PLBD1: variants seen among roughly 807,000 people sequenced by gnomAD.
PLBD1 encodes the protein phospholipase B domain containing 1, also known as lysosomal leucine aminopeptidase.
PLBD1 carries 60 observed loss-of-function variants against 63.0 expected under a neutral mutation model. The observed-to-expected ratio is 0.95, with a 90% CI of 0.77 to 1.18. The LOEUF (loss-of-function observed/expected upper bound fraction) is 1.18. Ranked by LOEUF, PLBD1 falls within the 50% of genes most tolerant of loss-of-function variation. The pLI is 0.00. For missense variants in PLBD1, 598 were observed against 677.9 expected (o/e 0.88, Z 1.31); for synonymous variants, 262 against 248.0 (o/e 1.06, Z -0.53).
intron 1 of PLBD1, among the ~76,000 whole-genome samples, chr12:14,561,463 T>C (rs1325028298): frequency 2.0e-5 from 3 of 152,120 alleles, no homozygotes; most frequent in African/African-American, 7.2e-5. Flanking sequence ...TACAAGCTCC[T>C]TGCAGATGAG....
At chr12:14,511,179 T>A in intron 8 of PLBD1, 81 bp downstream of exon 8, 1 of 1,292,170 alleles carries the variant, frequency 7.7e-7, no homozygotes. Flanking sequence ...CACCACACAT[T>A]CACACAATGT....
intron 6 of PLBD1, among the ~76,000 whole-genome samples, chr12:14,513,329 A>G (rs542743582): frequency 1.6e-4 from 25 of 152,286 alleles, no homozygotes; most frequent in African/African-American, 5.3e-4. Context: ...AACTTAACTT[A>G]CCCTTGTCAT....
chr12:14,564,410 A>G (rs1348280396), intron 1 of PLBD1, among the ~76,000 whole-genome samples: 1 of 152,210 alleles, frequency 6.6e-6, no homozygotes. Context: ...TCCCAAAATC[A>G]GGGACCAGCA....
intron 6 of PLBD1, among the ~76,000 whole-genome samples, chr12:14,518,662 C>T (rs1241526865): frequency 6.6e-6 from 1 of 152,202 alleles, no homozygotes; most frequent in East Asian, 1.9e-4. Flanking sequence ...TATCTCCTTA[C>T]TGTTTTCCCT....
chr12:14,547,479 T>C (rs1236924557), intron 2 of PLBD1, among the ~76,000 whole-genome samples: 1 of 152,170 alleles, frequency 6.6e-6, no homozygotes, highest in Non-Finnish European at 1.5e-5. Flanking sequence ...ACTCCACTAC[T>C]TCTAAGCTAT....
intron 1 of PLBD1, among the ~76,000 whole-genome samples, chr12:14,560,611 T>C (rs963179169): frequency 6.6e-6 from 1 of 152,218 alleles, no homozygotes; most frequent in East Asian, 1.9e-4. Context: ...TGATACCTGG[T>C]TTTTGGATTT....
intron 1 of PLBD1, among the ~76,000 whole-genome samples, chr12:14,556,311 T>C (rs1185795908): frequency 2.0e-5 from 3 of 152,148 alleles, no homozygotes; most frequent in Non-Finnish European, 2.9e-5. Context: ...GCTAGAAAGT[T>C]TTCAGATTAA....
chr12:14,562,943 C>T (rs902770745), intron 1 of PLBD1, among the ~76,000 whole-genome samples: 2 of 152,118 alleles, frequency 1.3e-5, no homozygotes, highest in Admixed American at 1.3e-4. Flanking sequence ...CATGTCAACA[C>T]TCAAGACAAA....
intron 6 of PLBD1, among the ~76,000 whole-genome samples, chr12:14,512,833 T>C (rs1397831544): frequency 6.6e-6 from 1 of 152,188 alleles, no homozygotes; most frequent in Non-Finnish European, 1.5e-5. Flanking sequence ...GGGAGCTAGC[T>C]AGCCCCTTCC....
intron 6 of PLBD1, 105 bp from the exon 7 acceptor site, chr12:14,511,816 T>C: frequency 8.9e-7 from 1 of 1,121,942 alleles, no homozygotes; most frequent in Non-Finnish European, 1.3e-6. Flanking sequence ...GCAAAGTGTA[T>C]CAGTTATTAC....
intron 6 of PLBD1, among the ~76,000 whole-genome samples, chr12:14,534,025 G>C (rs1267607997): frequency 6.6e-6 from 1 of 152,126 alleles, no homozygotes; most frequent in African/African-American, 2.4e-5. Context: ...ATGTGTGCCT[G>C]TAGTGTCAAC....
intron 3 of PLBD1, among the ~76,000 whole-genome samples, chr12:14,541,672 AC>A (rs2136924707): frequency 1.3e-5 from 2 of 152,306 alleles, no homozygotes; most frequent in African/African-American, 4.8e-5. Context: ...TGGAGGGCCA[AC>A]CCAAGAGCCT....
intron 1 of PLBD1, among the ~76,000 whole-genome samples, chr12:14,559,494 G>A (rs997680274): frequency 6.6e-6 from 1 of 152,240 alleles, no homozygotes; most frequent in Non-Finnish European, 1.5e-5. Flanking sequence ...ACAGAAGTTA[G>A]TATGAAATAA....
At chr12:14,520,420 CAT>C (rs1565572713) in intron 6 of PLBD1, among the ~76,000 whole-genome samples, 5 of 152,152 alleles carry the variant, frequency 3.3e-5, no homozygotes, top group Admixed American at 2.6e-4. Context: ...GTGCAGGTGA[CAT>C]ATGTTGAAGT....
Position 14,567,706 on chromosome 12 carries a change from G to A in PLBD1, c.-10C>T, listed in dbSNP as rs1945806382. On this transcript the variant is annotated 5_prime_UTR_variant, in exon 1 of 11. Coordinates refer to ENST00000240617, the MANE Select transcript of PLBD1 (RefSeq NM_024829.6). Reference sequence around the variant, plus strand: ...GACCGCCGCGGGTCATCGCTCCACGGCCGCGACCTTCCTCTGCGGGATCAG... The same window carrying A: ...GACCGCCGCGGGTCATCGCTCCACGACCGCGACCTTCCTCTGCGGGATCAG... 7.0e-7 allele frequency: 1 copy of A among 1,425,782 alleles called. No individual in the cohort carries two copies. Among genetic ancestry groups the A allele is most frequent in the East Asian group, 2.9e-5 (1 of 34,638 alleles). The allele number at this position is 1,425,782 out of a possible 1,614,324, so 88.3% of individuals were successfully genotyped here.
At chr12:14,530,651 G>C (rs1281587996) in intron 6 of PLBD1, among the ~76,000 whole-genome samples, 7 of 152,196 alleles carry the variant, frequency 4.6e-5, no homozygotes, top group Non-Finnish European at 4.4e-5. Context: ...TAGATTGGAA[G>C]ACTCAATGTT....
chr12:14,561,458 G>A (rs1945741670), intron 1 of PLBD1, among the ~76,000 whole-genome samples: 1 of 152,010 alleles, frequency 6.6e-6, no homozygotes. Context: ...TTGATTACAA[G>A]CTCCTTGCAG....
At chr12:14,513,867 C>T (rs1489232591) in intron 6 of PLBD1, among the ~76,000 whole-genome samples, 1 of 151,706 alleles carries the variant, frequency 6.6e-6, no homozygotes, top group African/African-American at 2.4e-5. Flanking sequence ...GCAAATTCCA[C>T]CTCCTGGGTT....
intron 1 of PLBD1, 174 bp from the exon 2 acceptor site, chr12:14,553,586 C>T (rs1482823468): frequency 2.4e-5 from 15 of 636,010 alleles, no homozygotes; most frequent in South Asian, 7.9e-5. Context: ...AAACTGGAAT[C>T]CCAATCAAGG....
Sources: gnomAD v4.1 joint callset for allele counts (sites outside exome capture counted in the v4.1 genomes callset) on GRCh38, gnomAD v4.1.1 for gene constraint, MANE v1.5 for transcripts, NCBI Gene and HGNC (gene_info 2026-07-23, HGNC 2026-07-21) for gene names.